Variants in AFAP1L2 observed in about 807,000 individuals in gnomAD.
AFAP1L2 encodes actin filament associated protein 1 like 2.
A neutral mutation model predicts 99.3 loss-of-function variants in AFAP1L2; 46 were observed. The observed-to-expected ratio is 0.46, with a 90% CI of 0.37 to 0.59. The LOEUF is 0.59. Among genes scored for constraint, AFAP1L2 ranks in the 20% least tolerant of loss-of-function variants. The probability of loss-of-function intolerance (pLI) is 0.00; values close to 1 mark genes in which losing one functional copy is unlikely to be tolerated. For missense variants in AFAP1L2, 959 were observed against 1,034.9 expected (o/e 0.93, Z 1.01); for synonymous variants, 397 against 419.1 (o/e 0.95, Z 0.64).
chr10:114,317,804 A>C (rs752048672), intron 5 of AFAP1L2, among the ~76,000 whole-genome samples: 3 of 152,210 alleles, frequency 2.0e-5, no homozygotes, highest in Non-Finnish European at 4.4e-5. Flanking sequence ...GGTTACAATG[A>C]ACTGAGATCG....
intron 1 of AFAP1L2, among the ~76,000 whole-genome samples, chr10:114,399,256 AAT>A (rs2058024340): frequency 6.6e-6 from 1 of 152,138 alleles, no homozygotes; most frequent in Non-Finnish European, 1.5e-5. Context: ...TAATTCCACA[AAT>A]ATTTGTTGCC....
intron 7 of AFAP1L2, 82 bp downstream of exon 7, chr10:114,313,789 C>T: frequency 1.4e-6 from 2 of 1,405,252 alleles, no homozygotes; most frequent in Non-Finnish European, 1.9e-6. Flanking sequence ...TCCTCTACCC[C>T]TGACCCTATC....
At chr10:114,382,830 G>A (rs543728800) in intron 1 of AFAP1L2, among the ~76,000 whole-genome samples, 54 of 151,962 alleles carry the variant, frequency 3.6e-4, no homozygotes, top group Non-Finnish European at 7.4e-4. Flanking sequence ...CCTGACCTCA[G>A]GTGATCCGCT....
chr10:114,304,446 C>A (rs1280342583), intron 11 of AFAP1L2, among the ~76,000 whole-genome samples: 1 of 152,224 alleles, frequency 6.6e-6, no homozygotes, highest in Non-Finnish European at 1.5e-5. Flanking sequence ...GAATCCCCAG[C>A]AGCTTTTCCA....
At position 114,300,478 on chromosome 10, in the gene AFAP1L2, G is replaced by GGGC; in HGVS notation, c.1752_1754dup (p.Pro585dup). On this transcript the variant is annotated inframe_insertion, in exon 14 of 19. Transcript: ENST00000304129. Reference sequence around the variant, plus strand: ...CCAGGTTCTCTGGACACTTTATGCAGGGCTCATCTGGGGTGGGACCTGGGC... The same window carrying GGGC: ...CCAGGTTCTCTGGACACTTTATGCAGGGCGGCTCATCTGGGGTGGGACCTGGGC... 3 of 1,613,564 alleles carry GGGC rather than the reference G, an allele frequency of 1.9e-6. No individual in the cohort carries two copies. Among genetic ancestry groups the GGGC allele is most frequent in the Non-Finnish European group, 2.5e-6 (3 of 1,179,502 alleles).
chr10:114,352,465 C>T (rs1029820218), intron 1 of AFAP1L2, among the ~76,000 whole-genome samples: 1 of 103,616 alleles, frequency 9.7e-6, no homozygotes, highest in Non-Finnish European at 1.8e-5. Context: ...CAGAGCAAGA[C>T]TCTGTCTCCA....
intron 1 of AFAP1L2, among the ~76,000 whole-genome samples, chr10:114,398,266 A>AG (rs1313170729): frequency 1.3e-5 from 2 of 152,254 alleles, no homozygotes; most frequent in Non-Finnish European, 2.9e-5. Flanking sequence ...AAAGTCAGGC[A>AG]GGGCTAGGAT....
intron 16 of AFAP1L2, among the ~76,000 whole-genome samples, chr10:114,298,104 G>C (rs1230112558): frequency 1.3e-5 from 2 of 152,206 alleles, no homozygotes; most frequent in African/African-American, 2.4e-5. Flanking sequence ...CAAGCTGGGT[G>C]CGGTGGTTCA....
intron 1 of AFAP1L2, among the ~76,000 whole-genome samples, chr10:114,347,773 A>C (rs1256737519): frequency 6.6e-6 from 1 of 152,076 alleles, no homozygotes; most frequent in Non-Finnish European, 1.5e-5. Flanking sequence ...GGCCTCCCAA[A>C]GAGTGTGAGC....
chr10:114,290,248 C>G, downstream of AFAP1L2: 2 of 1,550,466 alleles, frequency 1.3e-6, no homozygotes, highest in South Asian at 1.2e-5. Context: ...AGAAGCCAAG[C>G]AGCCAGTCAA....
In AFAP1L2 at chr10:114,382,069, G is replaced by T. The variant is rs60345045; in HGVS notation, c.16+22371C>A. Among the ~76,000 whole-genome samples the T allele has an allele frequency of 3.4e-3, 515 of 152,328 alleles. 2 individuals are homozygous for T. Among genetic ancestry groups the T allele is most frequent in the African/African-American group, 0.011 (476 of 41,572 alleles). ...CAAACAAGACATTTTGCTGATGAGA[G>T]TGAAAAGGGACACAGCCTCCCCAGA... On this transcript the variant is annotated intron_variant, in intron 1 of 18. Transcript: ENST00000304129.
intron 1 of AFAP1L2, among the ~76,000 whole-genome samples, chr10:114,343,808 C>T (rs984419223): frequency 6.6e-6 from 1 of 152,144 alleles, no homozygotes; most frequent in Non-Finnish European, 1.5e-5. Context: ...AGCTGGAGGC[C>T]CCAGCCCCAT....
the AFAP1L2 span, among the ~76,000 whole-genome samples, chr10:114,283,609 C>T: frequency 1.3e-5 from 2 of 152,310 alleles, no homozygotes; most frequent in Non-Finnish European, 2.9e-5. Context: ...AATGATCTGA[C>T]CTGGGGCATG....
chr10:114,354,251 G>A (rs1441304207), intron 1 of AFAP1L2, among the ~76,000 whole-genome samples: 1 of 152,136 alleles, frequency 6.6e-6, no homozygotes, highest in Non-Finnish European at 1.5e-5. Flanking sequence ...CCACACAAAG[G>A]AGCAATTTTA....
At chr10:114,346,840 G>A (rs1050857943) in intron 1 of AFAP1L2, among the ~76,000 whole-genome samples, 3 of 152,154 alleles carry the variant, frequency 2.0e-5, no homozygotes, top group East Asian at 1.9e-4. Context: ...TCAACTGCTC[G>A]ATTCATTGCC....
intron 15 of AFAP1L2, 127 bp from the exon 16 acceptor site, chr10:114,299,542 A>T (rs1444899056): frequency 8.8e-7 from 1 of 1,137,876 alleles, no homozygotes; most frequent in East Asian, 2.4e-5. Context: ...TGGATGCCAG[A>T]CCTGGACAGG....
chr10:114,359,449 G>A (rs141290371), intron 1 of AFAP1L2, among the ~76,000 whole-genome samples: 50 of 152,272 alleles, frequency 3.3e-4, no homozygotes, highest in Admixed American at 8.5e-4. Flanking sequence ...AAGATGGTGC[G>A]AAGGAGGCTG....
At chr10:114,326,675 T>C (rs947978002) in intron 4 of AFAP1L2, among the ~76,000 whole-genome samples, 8 of 152,130 alleles carry the variant, frequency 5.3e-5, no homozygotes, top group African/African-American at 1.4e-4. Context: ...GAGTCCGATC[T>C]CCAGAACCAG....
the AFAP1L2 span, chr10:114,286,425 A>G: frequency 1.2e-6 from 2 of 1,613,698 alleles, no homozygotes; most frequent in African/African-American, 2.7e-5. Context: ...GGCAGCCCAA[A>G]GCATGTGATG....
Sources: gnomAD v4.1 joint callset for allele counts (sites outside exome capture counted in the v4.1 genomes callset) on GRCh38, gnomAD v4.1.1 for gene constraint, MANE v1.5 for transcripts, NCBI Gene and HGNC (gene_info 2026-07-23, HGNC 2026-07-21) for gene names.